Variants in SYNGR2 observed in about 807,000 individuals in gnomAD.
SYNGR2 encodes synaptogyrin 2, also known as synaptogyrin-2.
A neutral mutation model predicts 18.7 loss-of-function variants in SYNGR2; 11 were observed. The observed-to-expected ratio is 0.59, with a 90% CI of 0.37 to 0.97. SYNGR2 has a LOEUF of 0.97. Ranked by LOEUF, SYNGR2 falls within the 50% of genes least tolerant of loss-of-function variation. The pLI, the probability that SYNGR2 is intolerant of heterozygous loss-of-function variation, is 0.01. For synonymous variants in SYNGR2, 127 were observed against 131.0 expected (o/e 0.97, Z 0.21); for missense variants, 253 against 300.7 (o/e 0.84, Z 1.17).
chr17:78,169,822 C>T (rs2075646323), intron 1 of SYNGR2: 1 of 152,484 alleles, frequency 6.6e-6, no homozygotes, highest in South Asian at 2.1e-4. Context: ...AGAGCTGTAT[C>T]CACAGGCCTG....
At chr17:78,170,782 G>A in intron 1 of SYNGR2, 35 bp from the exon 2 acceptor site, 1 of 1,585,656 alleles carries the variant, frequency 6.3e-7, no homozygotes, top group Non-Finnish European at 8.6e-7. Context: ...CCCTCAGGCG[G>A]CCACCAGCCC....
At chr17:78,168,913 C>G (rs936170980) in intron 1 of SYNGR2, among the ~76,000 whole-genome samples, 198 bp downstream of exon 1, 192 of 152,216 alleles carry the variant, frequency 1.3e-3, no homozygotes, top group Non-Finnish European at 2.3e-3. Context: ...CCTCCCGGTC[C>G]CGGGTCCCGC....
In SYNGR2 at chr17:78,170,515, A is replaced by G. The variant is rs374628722; in HGVS notation, c.100-302A>G. ...GGAGTTCCAGACCAGCCTGGCCAAC[A>G]TGGTGAAACCCTATCTCTACTAAAA... is the stretch of plus-strand genomic sequence containing the variant. On this transcript the variant is annotated intron_variant, in intron 1 of 3. Transcript: ENST00000225777. 1.8e-5 allele frequency: 6 copies of G among 325,874 alleles called. No individual in the cohort carries two copies. In the East Asian group the frequency reaches 3.0e-4, roughly 16 times the overall value. 20.2% of individuals were successfully genotyped at this position (325,874 alleles called of 1,614,324 possible). A position where few individuals can be genotyped will look rare whatever the true frequency, so the allele number is the denominator to read the frequency against.
At position 78,171,145 on chromosome 17, in the gene SYNGR2, G is replaced by A. The variant is rs952281030; in HGVS notation, c.337+91G>A. 24 of 1,253,184 alleles carry A rather than the reference G, an allele frequency of 1.9e-5. No individual in the cohort carries two copies. The highest frequency in any genetic ancestry group is 2.6e-5 in the Non-Finnish European group (23 of 882,556). The allele number at this position is 1,253,184 out of a possible 1,614,324, so 77.6% of individuals were successfully genotyped here. A position where few individuals can be genotyped will look rare whatever the true frequency, so the allele number is the denominator to read the frequency against. On this transcript the variant is annotated intron_variant, in intron 2 of 3. Transcript: ENST00000225777. This position sits in a 1 kb window ranked among gnomAD's most constrained non-coding sequence, Gnocchi z 6.6. ...GAGGGTCTCGGCCTCTCTGGGAGGG[G>A]CAGGGAGCAGCTCACTCCTCCAGGG...
intron 1 of SYNGR2, chr17:78,169,930 G>T (rs1598959141): frequency 1.3e-5 from 2 of 152,904 alleles, no homozygotes; most frequent in African/African-American, 4.8e-5. Context: ...GCAAGTCCTT[G>T]TGTGGAGACA....
rs770460476 is a variant in SYNGR2, at chr17:78,171,615, C to T, written c.443C>T (p.Ala148Val). The T allele has an allele frequency of 1.6e-5, 25 of 1,582,130 alleles. No individual in the cohort carries two copies. Among genetic ancestry groups the T allele is most frequent in the Non-Finnish European group, 2.0e-5 (23 of 1,160,654 alleles). ...VLVGADSVRA[A>V]ITFSFFSIFS... ...GTGGGGGCCGACTCTGTGAGGGCAG[C>T]CATCACCTTCAGCTTCTTTTCCATC... Residue 148 changes from alanine (A) to valine (V), a missense_variant, in exon 3 of 4, where the codon GCC (alanine) becomes GTC (valine). Coordinates refer to ENST00000225777, the MANE Select transcript of SYNGR2 (RefSeq NM_004710.7). This position sits in a 1 kb window ranked among gnomAD's most constrained non-coding sequence, Gnocchi z 6.6.
In SYNGR2 at chr17:78,171,581, G is replaced by A. The variant is rs1487143681; in HGVS notation, c.409G>A (p.Asp137Asn). The change falls in exon 3 of 4, where the codon GAC (aspartate) becomes AAC (asparagine). Residue 137 changes from aspartate (D) to asparagine (N), a missense_variant. Coordinates refer to ENST00000225777, the MANE Select transcript of SYNGR2 (RefSeq NM_004710.7). The surrounding 1 kb of genome is among the most constrained non-coding windows in gnomAD (Gnocchi z 6.6). ...TNQWAVTNPK[D>N]VLVGADSVRA... Reference sequence around the variant, plus strand: ...CCAGTGGGCAGTCACCAACCCGAAGGACGTGCTGGTGGGGGCCGACTCTGT... The same window carrying A: ...CCAGTGGGCAGTCACCAACCCGAAGAACGTGCTGGTGGGGGCCGACTCTGT... 21 of 1,550,716 alleles carry A rather than the reference G, an allele frequency of 1.4e-5. No individual in the cohort carries two copies. The highest frequency in any genetic ancestry group is 1.8e-5 in the Non-Finnish European group (21 of 1,146,886).
Position 78,172,006 on chromosome 17 carries a change from C to T in SYNGR2, c.*70C>T. The T allele has an allele frequency of 1.3e-6, 2 of 1,599,188 alleles. No individual in the cohort carries two copies. The highest frequency in any genetic ancestry group is 8.5e-7 in the Non-Finnish European group (1 of 1,177,596). On this transcript the variant is annotated 3_prime_UTR_variant, in exon 4 of 4. Coordinates refer to ENST00000225777, the MANE Select transcript of SYNGR2 (RefSeq NM_004710.7). ...TGCCCTGGACTTTCCCATGAGCCTC[C>T]TGGAACTGCCAGCCCCTCTCTTTCA...
rs772612288 is a variant in SYNGR2 at position 78,169,273 on chromosome 17, T to A, written c.99+558T>A. 52 of 85,372 alleles carry A rather than the reference T, an allele frequency of 6.1e-4. 7 individuals are homozygous for A. The highest frequency in any genetic ancestry group is 2.0e-3 in the African/African-American group (49 of 24,972). 5.3% of individuals were successfully genotyped at this position (85,372 alleles called of 1,614,324 possible). A position where few individuals can be genotyped will look rare whatever the true frequency, so the allele number is the denominator to read the frequency against. The stretch of plus-strand genomic sequence containing the variant: ...ACCAGGTTTTGTGTGTGTGTGTGTG[T>A]GGCGGGGAGGGGGCCTGTTCTTGGA... On this transcript the variant is annotated intron_variant, in intron 1 of 3. Coordinates refer to ENST00000225777, the MANE Select transcript of SYNGR2 (RefSeq NM_004710.7).
rs1199152774 is a variant in SYNGR2 at position 78,169,265 on chromosome 17, T to TGG, written c.99+551_99+552insGG. The TGG allele has an allele frequency of 8.8e-4, 61 of 68,992 alleles. No individual in the cohort carries two copies. In the African/African-American group the frequency reaches 0.01, roughly 12 times the overall value. 4.3% of individuals were successfully genotyped at this position (68,992 alleles called of 1,614,324 possible). A position where few individuals can be genotyped will look rare whatever the true frequency, so the allele number is the denominator to read the frequency against. On this transcript the variant is annotated intron_variant, in intron 1 of 3. Transcript: ENST00000225777. ...CCTCCAAAACCAGGTTTTGTGTGTGTGTGTGTGTGGCGGGGAGGGGGCCTG... is the reference window on the plus strand; with the variant it reads ...CCTCCAAAACCAGGTTTTGTGTGTGTGGGTGTGTGTGGCGGGGAGGGGGCCTG...
chr17:78,171,429 C>T lies in SYNGR2; in HGVS notation c.338-81C>T. 3 of 1,491,258 alleles carry T rather than the reference C, an allele frequency of 2.0e-6. No individual in the cohort carries two copies. In the South Asian group the frequency reaches 4.2e-5, roughly 21 times the overall value. The allele number at this position is 1,491,258 out of a possible 1,614,324, so 92.4% of individuals were successfully genotyped here. On this transcript the variant is annotated intron_variant, in intron 2 of 3. Coordinates refer to ENST00000225777, the MANE Select transcript of SYNGR2 (RefSeq NM_004710.7). The surrounding 1 kb of genome is among the most constrained non-coding windows in gnomAD (Gnocchi z 6.6). ...GAGGCTCCCCCGGGAGGTCCCTGCC[C>T]TACCTGCCCGCGTCCCCTCCCAGAG...
rs538128623 is a variant in SYNGR2 at position 78,171,803 on chromosome 17, A to T, written c.542A>T (p.Tyr181Phe). ...KAGVDDFIQN[Y>F]VDPTPDPNTA... ...GGCGTGGACGACTTCATCCAGAATT[A>T]CGTTGACCCCACTCCGGACCCCAAC... The change falls in exon 4 of 4, where the codon TAC becomes TTC. Residue 181 changes from tyrosine to phenylalanine, a missense_variant. By Grantham distance (22) the Tyr-to-Phe change is conservative (BLOSUM62 3). Coordinates refer to ENST00000225777, the MANE Select transcript of SYNGR2 (RefSeq NM_004710.7). This position sits in a 1 kb window ranked among gnomAD's most constrained non-coding sequence, Gnocchi z 6.6. 2.5e-6 allele frequency: 4 copies of T among 1,614,008 alleles called. No individual in the cohort carries two copies. The East Asian group carries it at 8.9e-5, about 36-fold the overall frequency.
chr17:78,169,288 C>G (rs1184797223), intron 1 of SYNGR2: 1 of 129,370 alleles, frequency 7.7e-6, no homozygotes, highest in African/African-American at 3.5e-5. Flanking sequence ...GGGAGGGGGC[C>G]TGTTCTTGGA....
intron 1 of SYNGR2, chr17:78,169,193 A>G (rs898514177): frequency 2.0e-5 from 3 of 148,244 alleles, no homozygotes; most frequent in African/African-American, 7.7e-5. Flanking sequence ...TCCCACCCGA[A>G]GTTGAGGGAC....
Position 78,171,356 on chromosome 17 carries a change from T to C in SYNGR2, c.338-154T>C, listed in dbSNP as rs778710625. The C allele has an allele frequency of 7.7e-5, 73 of 948,172 alleles. No homozygotes were observed. The highest frequency in any genetic ancestry group is 1.0e-4 in the Non-Finnish European group (66 of 655,030). 58.7% of individuals were successfully genotyped at this position (948,172 alleles called of 1,614,324 possible). ...GCCAAGGCCCGAGTGTGGGGGACTTTGGAGGTGGCTCCCGGCCCGGCTTCC... is the reference window on the plus strand; with the variant it reads ...GCCAAGGCCCGAGTGTGGGGGACTTCGGAGGTGGCTCCCGGCCCGGCTTCC... On this transcript the variant is annotated intron_variant, in intron 2 of 3. Transcript: ENST00000225777. The surrounding 1 kb of genome is among the most constrained non-coding windows in gnomAD (Gnocchi z 6.6).
rs751242461 is a variant in SYNGR2 at position 78,171,498 on chromosome 17, G to A, written c.338-12G>A. On this transcript the variant is annotated splice_polypyrimidine_tract_variant and intron_variant, in intron 2 of 3. Coordinates refer to ENST00000225777, the MANE Select transcript of SYNGR2 (RefSeq NM_004710.7). The surrounding 1 kb of genome is among the most constrained non-coding windows in gnomAD (Gnocchi z 6.6). The stretch of plus-strand genomic sequence containing the variant: ...TTTCCATGGAACTGACGCTTCACCC[G>A]TCCTCCCCCAGCTCTCTGGACCTTC... 6 of 1,513,648 alleles carry A rather than the reference G, an allele frequency of 4.0e-6. No individual in the cohort carries two copies. Among genetic ancestry groups the A allele is most frequent in the South Asian group, 2.7e-5 (2 of 74,428 alleles). The allele number at this position is 1,513,648 out of a possible 1,614,324, so 93.8% of individuals were successfully genotyped here. A position where few individuals can be genotyped will look rare whatever the true frequency, so the allele number is the denominator to read the frequency against.
At chr17:78,170,188 C>G (rs1384219215) in intron 1 of SYNGR2, 2 of 152,854 alleles carry the variant, frequency 1.3e-5, no homozygotes, top group East Asian at 3.8e-4. Context: ...CTTCATCCAT[C>G]AGGTACCTAA....
At chr17:78,168,829 C>G in intron 1 of SYNGR2, 114 bp downstream of exon 1, 5 of 941,466 alleles carry the variant, frequency 5.3e-6, no homozygotes, top group Non-Finnish European at 5.3e-6. Flanking sequence ...CGTCCGGGGC[C>G]TGGCGGCGAG....
chr17:78,171,106 G>A lies in SYNGR2; in HGVS notation c.337+52G>A, dbSNP rs2075655616. 6.4e-7 allele frequency: 1 copy of A among 1,563,986 alleles called. No individual in the cohort carries two copies. The highest frequency in any genetic ancestry group is 8.8e-7 in the Non-Finnish European group (1 of 1,141,962). On this transcript the variant is annotated intron_variant, in intron 2 of 3. Transcript: ENST00000225777. The surrounding 1 kb of genome is among the most constrained non-coding windows in gnomAD (Gnocchi z 6.6). ...ATCTTGGGGGAGGCATTAACTCTAGGGTTCCGCAGCTGGGAGGGTCTCGGC... is the reference window on the plus strand; with the variant it reads ...ATCTTGGGGGAGGCATTAACTCTAGAGTTCCGCAGCTGGGAGGGTCTCGGC...
Sources: allele counts gnomAD v4.1 joint callset (sites outside exome capture counted in the v4.1 genomes callset), GRCh38; gene constraint gnomAD v4.1.1; non-coding constraint Gnocchi (gnomAD v3.1); transcripts MANE v1.5; gene names NCBI Gene and HGNC (gene_info 2026-07-23, HGNC 2026-07-21).